The following KCNH7 variants were observed in gnomAD, a reference collection of about 807,000 sequenced individuals.
The protein encoded by KCNH7 is potassium voltage-gated channel subfamily H member 7.
A neutral mutation model predicts 120.8 loss-of-function variants in KCNH7; 49 were observed. The observed-to-expected ratio is 0.41, with a 90% CI of 0.32 to 0.51. The LOEUF (loss-of-function observed/expected upper bound fraction) is 0.51, where lower values mean the gene tolerates loss of function less well. Among genes scored for constraint, KCNH7 ranks in the 20% least tolerant of loss-of-function variants. KCNH7 has a pLI of 0.38. For missense variants in KCNH7, 1,097 were observed against 1,446.6 expected (o/e 0.76, Z 3.92); for synonymous variants, 547 against 516.1 (o/e 1.06, Z -0.81).
chr2:162,379,708 T>C (rs756782797), intron 14 of KCNH7, 145 bp downstream of exon 14: 19 of 766,414 alleles, frequency 2.5e-5, no homozygotes, highest in Non-Finnish European at 3.5e-5. Context: ...AATTATTCTG[T>C]CAACTTCTAG....
At chr2:162,825,113 A>G (rs1685238011) in intron 2 of KCNH7, among the ~76,000 whole-genome samples, 3 of 152,032 alleles carry the variant, frequency 2.0e-5, no homozygotes, top group African/African-American at 7.2e-5. Flanking sequence ...ACTTGGTATC[A>G]GTTTCTGAAT....
At chr2:162,601,630 T>C (rs1694561067) in intron 2 of KCNH7, among the ~76,000 whole-genome samples, 1 of 151,972 alleles carries the variant, frequency 6.6e-6, no homozygotes, top group Non-Finnish European at 1.5e-5. Context: ...TAATAATCCA[T>C]ACAATTATCT....
intron 2 of KCNH7, among the ~76,000 whole-genome samples, chr2:162,818,415 G>T (rs1211334509): frequency 6.6e-6 from 1 of 151,370 alleles, no homozygotes; most frequent in African/African-American, 2.4e-5. Flanking sequence ...TCTATTTTTG[G>T]ACTTATCCTG....
chr2:162,768,422 C>T (rs1278003362), intron 2 of KCNH7, among the ~76,000 whole-genome samples: 3 of 152,028 alleles, frequency 2.0e-5, no homozygotes, highest in African/African-American at 7.2e-5. Flanking sequence ...CATCCATTTA[C>T]CTCTGAAGTC....
intron 2 of KCNH7, among the ~76,000 whole-genome samples, chr2:162,699,177 T>C (rs1395786948): frequency 6.6e-6 from 1 of 152,098 alleles, no homozygotes; most frequent in Non-Finnish European, 1.5e-5. Context: ...CTTGAACTTA[T>C]TCCTCTTATG....
At chr2:162,650,752 T>C (rs780299091) in intron 2 of KCNH7, among the ~76,000 whole-genome samples, 1 of 152,220 alleles carries the variant, frequency 6.6e-6, no homozygotes. Context: ...GACGTTCAGC[T>C]CTACCAGAGC....
chr2:162,686,253 T>C (rs1297377495), intron 2 of KCNH7, among the ~76,000 whole-genome samples: 1 of 152,108 alleles, frequency 6.6e-6, no homozygotes, highest in Non-Finnish European at 1.5e-5. Context: ...TTAAAAAACA[T>C]GTTTGCTTTC....
At chr2:162,391,479 T>A (rs1686744025) in intron 12 of KCNH7, among the ~76,000 whole-genome samples, 1 of 152,072 alleles carries the variant, frequency 6.6e-6, no homozygotes. Flanking sequence ...GAGTTAATTG[T>A]GTTTTCACAT....
chr2:162,482,621 T>G lies in KCNH7; in HGVS notation c.1128+21822A>C, dbSNP rs1196693855. Among the ~76,000 whole-genome samples the G allele has an allele frequency of 2.0e-5, 3 of 152,174 alleles. No individual in the cohort carries two copies. The East Asian group carries it at 5.8e-4, about 29-fold the overall frequency. On this transcript the variant is annotated intron_variant, in intron 6 of 15. Coordinates refer to ENST00000332142, the MANE Select transcript of KCNH7 (RefSeq NM_033272.4). ...GCACTTTAAAAAAGTTATATTAAGT[T>G]TACTGGTTGAACCAGAATCAAGGTA... is the stretch of plus-strand genomic sequence containing the variant.
chr2:162,797,464 C>T (rs755670795), intron 2 of KCNH7: 3 of 152,036 alleles, frequency 2.0e-5, no homozygotes, highest in Non-Finnish European at 4.4e-5. Flanking sequence ...TTATTATTAT[C>T]AATGAGTGTC....
At chr2:162,638,158 C>T (rs1306193660) in intron 2 of KCNH7, among the ~76,000 whole-genome samples, 1 of 151,916 alleles carries the variant, frequency 6.6e-6, no homozygotes. Flanking sequence ...CTAGCTTTAC[C>T]TTCGAATACC....
At chr2:162,826,496 T>C (rs960580443) in intron 2 of KCNH7, among the ~76,000 whole-genome samples, 9 of 152,116 alleles carry the variant, frequency 5.9e-5, no homozygotes, top group East Asian at 3.9e-4. Flanking sequence ...TTACAGGTTA[T>C]TAAGTATTAG....
intron 9 of KCNH7, among the ~76,000 whole-genome samples, chr2:162,405,300 G>A (rs1402747792): frequency 6.6e-6 from 1 of 151,882 alleles, no homozygotes; most frequent in Non-Finnish European, 1.5e-5. Context: ...AATGCTTTCT[G>A]TGATTGTTAA....
intron 2 of KCNH7, among the ~76,000 whole-genome samples, chr2:162,559,437 A>G (rs958519609): frequency 5.3e-5 from 8 of 152,214 alleles, no homozygotes; most frequent in Non-Finnish European, 1.0e-4. Context: ...AACTGCCTCA[A>G]ATGACCTCAA....
rs576873242 is a variant in KCNH7, at chr2:162,391,115, C to T, written c.2710+3274G>A. Among the ~76,000 whole-genome samples the T allele has an allele frequency of 5.9e-5, 9 of 152,044 alleles. No homozygotes were observed. In the South Asian group the frequency reaches 1.2e-3, roughly 21 times the overall value. On this transcript the variant is annotated intron_variant, in intron 12 of 15. Coordinates refer to ENST00000332142, the MANE Select transcript of KCNH7 (RefSeq NM_033272.4). The stretch of plus-strand genomic sequence containing the variant: ...ACAGTCTTCTCTCTGGTTCTTGATG[C>T]CACTGCTGATTTACAGGCAACAGCA...
At chr2:162,406,638 G>T (rs1182571416) in intron 9 of KCNH7, among the ~76,000 whole-genome samples, 1 of 151,910 alleles carries the variant, frequency 6.6e-6, no homozygotes, top group Non-Finnish European at 1.5e-5. Context: ...TTATCAAATA[G>T]ATGAGTAATA....
At chr2:162,685,624 C>T (rs1411700070) in intron 2 of KCNH7, among the ~76,000 whole-genome samples, 1 of 151,418 alleles carries the variant, frequency 6.6e-6, no homozygotes, top group Non-Finnish European at 1.5e-5. Context: ...GTTCTGAAAA[C>T]TGAAGCAAAG....
chr2:162,376,453 TC>T (rs938501845), intron 14 of KCNH7, among the ~76,000 whole-genome samples: 2 of 151,324 alleles, frequency 1.3e-5, no homozygotes, highest in African/African-American at 4.9e-5. Context: ...GCAACCTCTT[TC>T]TCCCGGGTTC....
intron 2 of KCNH7, among the ~76,000 whole-genome samples, chr2:162,716,754 T>C (rs1385858858): frequency 6.6e-6 from 1 of 152,154 alleles, no homozygotes; most frequent in Non-Finnish European, 1.5e-5. Flanking sequence ...CAGACCAATA[T>C]GATTCAAACT....
Sources: allele counts gnomAD v4.1 joint callset (sites outside exome capture counted in the v4.1 genomes callset), GRCh38; gene constraint gnomAD v4.1.1; transcripts MANE v1.5; gene names NCBI Gene and HGNC (gene_info 2026-07-23, HGNC 2026-07-21).